NIPBL: variants seen among roughly 807,000 people sequenced by gnomAD.
NIPBL encodes NIPBL cohesin loading factor, also known as nipped-B-like protein.
Under a neutral mutation model 321.8 loss-of-function variants are expected in NIPBL, and 19 were observed. The observed-to-expected ratio is 0.06, with a 90% CI of 0.04 to 0.09. The LOEUF is 0.09. Among genes scored for constraint, NIPBL ranks in the 10% least tolerant of loss-of-function variants. The probability of loss-of-function intolerance (pLI) is 1.00; values close to 1 mark genes in which losing one functional copy is unlikely to be tolerated. For missense variants in NIPBL, 2,210 were observed against 3,327.0 expected (o/e 0.66, Z 8.26); for synonymous variants, 1,106 against 1,114.1 (o/e 0.99, Z 0.14).
rs182401801 is a variant in NIPBL, at chr5:37,043,717, C to T, written c.6109-630C>T. ...TGTTTCTTAGAAGTAAAGAAGCCTT[C>T]TGCCTGGTTCTGGGATTCTACATGT... On this transcript the variant is annotated intron_variant, in intron 34 of 46. Transcript: ENST00000282516. 6.8e-3 allele frequency among the ~76,000 whole-genome samples: 1,031 copies of T among 152,278 alleles called. 9 individuals carry two copies. Among genetic ancestry groups the T allele is most frequent in the African/African-American group, 0.023 (973 of 41,546 alleles).
At chr5:36,887,872 C>T (rs1228772303) in intron 1 of NIPBL, among the ~76,000 whole-genome samples, 1 of 152,204 alleles carries the variant, frequency 6.6e-6, no homozygotes, top group Admixed American at 6.5e-5. Flanking sequence ...TTCTTCCTTA[C>T]TCTGACCTGT....
chr5:37,008,608 A>G lies in NIPBL; in HGVS notation c.4321-15A>G, dbSNP rs587783946. 6.4e-5 allele frequency: 79 copies of G among 1,231,144 alleles called. 1 individual carries two copies. The South Asian group carries it at 8.4e-4, about 13-fold the overall frequency. 76.3% of individuals were successfully genotyped at this position (1,231,144 alleles called of 1,614,324 possible). A position where few individuals can be genotyped will look rare whatever the true frequency, so the allele number is the denominator to read the frequency against. On this transcript the variant is annotated splice_polypyrimidine_tract_variant and intron_variant, in intron 19 of 46. Transcript: ENST00000282516. ...TATTATAAGTTTAACTTGGAATCTT[A>G]TAATTACTAAACAGGTATTCTCAAG...
rs1228051984 is a variant in NIPBL at position 37,065,701 on chromosome 5, CAATT to C, written c.*812_*815del. 9.8e-5 allele frequency: 15 copies of C among 152,534 alleles called. No individual in the cohort carries two copies. The highest frequency in any genetic ancestry group is 1.7e-4 in the African/African-American group (7 of 41,420). 9.4% of individuals were successfully genotyped at this position (152,534 alleles called of 1,614,324 possible). On this transcript the variant is annotated 3_prime_UTR_variant, in exon 47 of 47. Coordinates refer to ENST00000282516, the MANE Select transcript of NIPBL (RefSeq NM_133433.4). The stretch of plus-strand genomic sequence containing the variant: ...TTTCATTCCCATAAGAGGGTGTAAA[CAATT>C]AACTCCAGGGTTTTATTGTATCCTG...
At chr5:36,957,807 A>C (rs2149602494) in intron 3 of NIPBL, among the ~76,000 whole-genome samples, 1 of 152,182 alleles carries the variant, frequency 6.6e-6, no homozygotes, top group African/African-American at 2.4e-5. Flanking sequence ...ACATGGTGAA[A>C]CCCTGTCTCT....
intron 32 of NIPBL, among the ~76,000 whole-genome samples, chr5:37,034,874 C>A (rs1159022420): frequency 2.0e-5 from 3 of 152,086 alleles, no homozygotes; most frequent in African/African-American, 7.2e-5. Flanking sequence ...ATACGAGTGG[C>A]AACAGTGTGT....
intron 1 of NIPBL, among the ~76,000 whole-genome samples, chr5:36,914,081 G>A (rs1020902838): frequency 5.9e-5 from 9 of 152,102 alleles, no homozygotes; most frequent in African/African-American, 2.2e-4. Flanking sequence ...AGTCCTCCAC[G>A]GTGACCACCA....
intron 10 of NIPBL, among the ~76,000 whole-genome samples, chr5:36,991,883 A>T (rs1269456298): frequency 6.6e-6 from 1 of 150,836 alleles, no homozygotes; most frequent in Admixed American, 6.6e-5. Flanking sequence ...TACGTGATTT[A>T]TTTCTATCTC....
At chr5:36,882,859 C>A (rs116739885) in intron 1 of NIPBL, among the ~76,000 whole-genome samples, 6 of 151,122 alleles carry the variant, frequency 4.0e-5, no homozygotes, top group African/African-American at 1.5e-4. Flanking sequence ...ATAGCTGATT[C>A]ATTATTTGAT....
intron 23 of NIPBL, among the ~76,000 whole-genome samples, chr5:37,016,703 A>G (rs929090378): frequency 6.6e-6 from 1 of 152,154 alleles, no homozygotes; most frequent in Non-Finnish European, 1.5e-5. Context: ...ATAACTTTTC[A>G]TAGGCATCAG....
rs182676455 is a variant in NIPBL at position 36,964,126 on chromosome 5, G to A, written c.610+1852G>A. Among the ~76,000 whole-genome samples the A allele has an allele frequency of 4.3e-4, 65 of 151,836 alleles. 1 individual carries two copies. In the Middle Eastern group the frequency reaches 0.01, roughly 24 times the overall value. Reference sequence around the variant, plus strand: ...ATAAAGAACTAAAAACCATACTCAGGGATTAGCCTCACCCAGATATTAAAG... The same window carrying A: ...ATAAAGAACTAAAAACCATACTCAGAGATTAGCCTCACCCAGATATTAAAG... On this transcript the variant is annotated intron_variant, in intron 6 of 46. Coordinates refer to ENST00000282516, the MANE Select transcript of NIPBL (RefSeq NM_133433.4).
chr5:36,877,462 T>A (rs1449955599), intron 1 of NIPBL, among the ~76,000 whole-genome samples: 1 of 152,160 alleles, frequency 6.6e-6, no homozygotes, highest in Non-Finnish European at 1.5e-5. Context: ...GGAATCTACT[T>A]GAGCTCGGGG....
intron 1 of NIPBL, among the ~76,000 whole-genome samples, chr5:36,952,053 T>TGTGTGTGCGCGCGC (rs778597604): frequency 3.2e-4 from 36 of 112,204 alleles, no homozygotes; most frequent in Non-Finnish European, 4.7e-4. Context: ...TGTGTGTGTG[T>TGTGTGTGCGCGCGC]GCGCGCGCGC....
intron 29 of NIPBL, among the ~76,000 whole-genome samples, chr5:37,023,703 A>G (rs911539398): frequency 1.4e-5 from 2 of 145,080 alleles, no homozygotes; most frequent in Non-Finnish European, 3.0e-5. Flanking sequence ...AAGGTAATAC[A>G]TTGCATTTGG....
intron 10 of NIPBL, among the ~76,000 whole-genome samples, chr5:36,987,819 T>C (rs940441002): frequency 3.9e-5 from 6 of 152,232 alleles, no homozygotes; most frequent in Non-Finnish European, 8.8e-5. Flanking sequence ...TTAACTTGAA[T>C]GCATCTTTTC....
chr5:36,961,980 G>T, intron 5 of NIPBL, 143 bp from the exon 6 acceptor site: 1 of 931,206 alleles, frequency 1.1e-6, no homozygotes, highest in Non-Finnish European at 1.6e-6. Context: ...TATGTTATTT[G>T]ACTATTTTGC....
In NIPBL at chr5:37,007,559, A is replaced by C. The variant is rs1747586578; in HGVS notation, c.4239+85A>C. 1.8e-5 allele frequency: 16 copies of C among 897,886 alleles called. No homozygotes were observed. In the South Asian group the frequency reaches 2.5e-4, roughly 14 times the overall value. The allele number at this position is 897,886 out of a possible 1,614,324, so 55.6% of individuals were successfully genotyped here. On this transcript the variant is annotated intron_variant, in intron 18 of 46. Coordinates refer to ENST00000282516, the MANE Select transcript of NIPBL (RefSeq NM_133433.4). ...ACCTAGCTCACTCAATAATAAGACC[A>C]GCACTATATTATCAAGAATTTTTCC... is the stretch of plus-strand genomic sequence containing the variant.
chr5:36,956,462 T>G (rs1377381422), intron 3 of NIPBL, among the ~76,000 whole-genome samples: 4 of 152,004 alleles, frequency 2.6e-5, no homozygotes, highest in Non-Finnish European at 5.9e-5. Context: ...TACATATTTT[T>G]GGGGCATTTT....
At position 36,971,047 on chromosome 5, in the gene NIPBL, TATTATC is replaced by T. The variant is rs1561094561; in HGVS notation, c.771+16_771+21del. The T allele has an allele frequency of 1.9e-6, 3 of 1,605,318 alleles. No homozygotes were observed. Among genetic ancestry groups the T allele is most frequent in the African/African-American group, 2.7e-5 (2 of 74,748 alleles). On this transcript the variant is annotated intron_variant, in intron 7 of 46. Coordinates refer to ENST00000282516, the MANE Select transcript of NIPBL (RefSeq NM_133433.4). ...AGGCTAAGTAGTGACGTATGTAATA[TATTATC>T]ATTAAGGTGATAAAATAGTTCTAAT...
intron 10 of NIPBL, among the ~76,000 whole-genome samples, chr5:36,991,598 T>G (rs1745522734): frequency 6.6e-6 from 1 of 152,134 alleles, no homozygotes; most frequent in African/African-American, 2.4e-5. Context: ...TAATGAGTAG[T>G]AAATTGTCAT....
Sources: gnomAD v4.1 joint callset for allele counts (sites outside exome capture counted in the v4.1 genomes callset) on GRCh38, gnomAD v4.1.1 for gene constraint, MANE v1.5 for transcripts, NCBI Gene and HGNC (gene_info 2026-07-23, HGNC 2026-07-21) for gene names.